PPP1R12A: variants seen among roughly 807,000 people sequenced by gnomAD.
PPP1R12A encodes protein phosphatase 1 regulatory subunit 12A, also known as myosin binding subunit.
Under a neutral mutation model 139.6 loss-of-function variants are expected in PPP1R12A, and 19 were observed. The ratio of observed to expected loss-of-function variants is 0.14; its 90% CI spans 0.09 to 0.20. The LOEUF (loss-of-function observed/expected upper bound fraction) is 0.20. PPP1R12A is among the 10% of genes least tolerant of loss of function. The probability of loss-of-function intolerance (pLI) is 1.00; values close to 1 mark genes in which losing one functional copy is unlikely to be tolerated. For synonymous variants in PPP1R12A, 427 were observed against 420.6 expected (o/e 1.02, Z -0.19); for missense variants, 925 against 1,211.5 (o/e 0.76, Z 3.51).
At chr12:79,884,112 A>G (rs1236896224) in intron 1 of PPP1R12A, among the ~76,000 whole-genome samples, 1 of 152,204 alleles carries the variant, frequency 6.6e-6, no homozygotes, top group East Asian at 1.9e-4. Flanking sequence ...AGCAAGATCC[A>G]GAATAGGGTC....
chr12:79,822,074 TTAAGG>T (rs1384886696), intron 6 of PPP1R12A, 37 bp downstream of exon 6: 2 of 1,316,714 alleles, frequency 1.5e-6, no homozygotes, highest in Non-Finnish European at 2.1e-6. Context: ...TTCAAAATTA[TTAAGG>T]TAAGTAATAT....
At chr12:79,862,844 G>C (rs1881497226) in intron 2 of PPP1R12A, among the ~76,000 whole-genome samples, 2 of 152,210 alleles carry the variant, frequency 1.3e-5, no homozygotes, top group African/African-American at 4.8e-5. Context: ...ATGTTTGATT[G>C]GTATACCTGA....
chr12:79,909,222 A>G (rs527525555), intron 1 of PPP1R12A, among the ~76,000 whole-genome samples: 11 of 152,346 alleles, frequency 7.2e-5, no homozygotes, highest in African/African-American at 2.6e-4. Flanking sequence ...TGGAATAATA[A>G]AATGAATAAT....
At chr12:79,908,563 T>G (rs1226397497) in intron 1 of PPP1R12A, among the ~76,000 whole-genome samples, 1 of 152,186 alleles carries the variant, frequency 6.6e-6, no homozygotes, top group Non-Finnish European at 1.5e-5. Flanking sequence ...TGACTTAATA[T>G]GAAAGCAGAA....
chr12:79,850,961 T>A (rs1476008955), intron 2 of PPP1R12A, among the ~76,000 whole-genome samples: 1 of 152,198 alleles, frequency 6.6e-6, no homozygotes, highest in African/African-American at 2.4e-5. Flanking sequence ...GTGAGTCAAT[T>A]ATACCTCTTT....
chr12:79,913,718 T>C (rs1365154904), intron 1 of PPP1R12A: 1 of 152,174 alleles, frequency 6.6e-6, no homozygotes, highest in African/African-American at 2.4e-5. Context: ...AAACAGACAA[T>C]GCACACATAT....
intron 1 of PPP1R12A, among the ~76,000 whole-genome samples, chr12:79,929,212 G>A (rs1375554268): frequency 6.6e-6 from 1 of 152,164 alleles, no homozygotes; most frequent in African/African-American, 2.4e-5. Context: ...TGCCGCTGCT[G>A]ATCTGACAAG....
chr12:79,807,382 A>G, intron 11 of PPP1R12A, 52 bp from the exon 12 acceptor site: 1 of 1,151,492 alleles, frequency 8.7e-7, no homozygotes, highest in Non-Finnish European at 1.3e-6. Context: ...AAATAGGATT[A>G]AGAAAGCGGT....
intron 1 of PPP1R12A, among the ~76,000 whole-genome samples, chr12:79,884,427 C>T (rs1038327484): frequency 1.3e-5 from 2 of 152,060 alleles, no homozygotes; most frequent in Non-Finnish European, 2.9e-5. Flanking sequence ...AAATTAAATG[C>T]TAAAAGCATT....
At chr12:79,841,382 T>C (rs1228238747) in intron 3 of PPP1R12A, among the ~76,000 whole-genome samples, 1 of 152,234 alleles carries the variant, frequency 6.6e-6, no homozygotes, top group Non-Finnish European at 1.5e-5. Context: ...TTCCTATATA[T>C]TTTAATACAT....
chr12:79,884,521 T>C (rs540984561), intron 1 of PPP1R12A, among the ~76,000 whole-genome samples: 2 of 152,226 alleles, frequency 1.3e-5, no homozygotes, highest in South Asian at 2.1e-4. Context: ...ATAAAGTACA[T>C]ACAAGAAACT....
At chr12:79,859,144 G>A (rs943197448) in intron 2 of PPP1R12A, among the ~76,000 whole-genome samples, 1 of 151,886 alleles carries the variant, frequency 6.6e-6, no homozygotes, top group African/African-American at 2.4e-5. Context: ...GACCATCCTG[G>A]CTAACATGGT....
chr12:79,911,884 T>A lies in PPP1R12A; in HGVS notation c.237+22811A>T, dbSNP rs114724802. On this transcript the variant is annotated intron_variant, in intron 1 of 24. Coordinates refer to ENST00000450142, the MANE Select transcript of PPP1R12A (RefSeq NM_002480.3). The stretch of plus-strand genomic sequence containing the variant: ...CAGCCGTCTCTTAAAAATGCAAATC[T>A]GATTAGCACTAAAGCAATTAAAACA... Among the ~76,000 whole-genome samples, 1,457 of 152,198 alleles carry A rather than the reference T, an allele frequency of 9.6e-3. 18 individuals are homozygous for A. Among genetic ancestry groups the A allele is most frequent in the African/African-American group, 0.034 (1,401 of 41,496 alleles).
At chr12:79,778,450 T>A in intron 24 of PPP1R12A, 100 bp downstream of exon 24, 1 of 804,450 alleles carries the variant, frequency 1.2e-6, no homozygotes, top group Non-Finnish European at 1.8e-6. Context: ...AATTGGGTAA[T>A]CAGCTTTGAG....
chr12:79,852,606 T>C (rs889228334), intron 2 of PPP1R12A, among the ~76,000 whole-genome samples: 3 of 152,196 alleles, frequency 2.0e-5, no homozygotes, highest in African/African-American at 4.8e-5. Context: ...CAGATGAAGA[T>C]AGTGAGGTGC....
intron 1 of PPP1R12A, among the ~76,000 whole-genome samples, chr12:79,876,630 T>C (rs973883313): frequency 6.6e-6 from 1 of 152,210 alleles, no homozygotes; most frequent in African/African-American, 2.4e-5. Flanking sequence ...GGCTAAGTAT[T>C]ACTTGTATAC....
At chr12:79,825,489 A>AAT (rs1876651881) in intron 5 of PPP1R12A, 1 of 151,982 alleles carries the variant, frequency 6.6e-6, no homozygotes, top group South Asian at 2.1e-4. Context: ...AATGACAGTA[A>AAT]ATATGTATTA....
chr12:79,912,564 T>C (rs1028060060), intron 1 of PPP1R12A, among the ~76,000 whole-genome samples: 2 of 152,048 alleles, frequency 1.3e-5, no homozygotes, highest in African/African-American at 2.4e-5. Context: ...CATGATAGCA[T>C]GCACCTGCAG....
intron 24 of PPP1R12A, chr12:79,776,998 T>C (rs1869810183): frequency 3.3e-6 from 1 of 302,792 alleles, no homozygotes; most frequent in Non-Finnish European, 4.9e-6. Context: ...TATGTTCTTA[T>C]CTGTGTTCAG....
Sources: allele counts gnomAD v4.1 joint callset (sites outside exome capture counted in the v4.1 genomes callset), GRCh38; gene constraint gnomAD v4.1.1; transcripts MANE v1.5; gene names NCBI Gene and HGNC (gene_info 2026-07-23, HGNC 2026-07-21).